The following KAZN variants were observed in gnomAD, a reference collection of about 807,000 sequenced individuals.
KAZN encodes kazrin.
In KAZN, 40 loss-of-function variants were observed where a neutral mutation model predicts 87.4. That is an observed-to-expected ratio of 0.46 (90% CI 0.36 to 0.60). The LOEUF is 0.60. Ranked by LOEUF, KAZN falls within the 20% of genes least tolerant of loss-of-function variation. The probability of loss-of-function intolerance (pLI) is 0.00; values close to 1 mark genes in which losing one functional copy is unlikely to be tolerated. For missense variants in KAZN, 898 were observed against 1,073.9 expected (o/e 0.84, Z 2.29); for synonymous variants, 466 against 458.3 (o/e 1.02, Z -0.22).
intron 1 of KAZN, among the ~76,000 whole-genome samples, chr1:14,782,426 T>C (rs149294369): frequency 0.011 from 1,667 of 151,864 alleles, 41 homozygotes; most frequent in African/African-American, 0.038. Context: ...CACGCACCTG[T>C]AATCCCAGCT....
intron 2 of KAZN, among the ~76,000 whole-genome samples, chr1:14,442,694 C>T (rs1332675470): frequency 1.3e-5 from 2 of 152,226 alleles, no homozygotes; most frequent in East Asian, 3.9e-4. Flanking sequence ...GAAAGAAGAC[C>T]TGTCCTGAAA....
At chr1:14,814,040 C>T (rs1333090204) in intron 1 of KAZN, among the ~76,000 whole-genome samples, 1 of 152,162 alleles carries the variant, frequency 6.6e-6, no homozygotes, top group African/African-American at 2.4e-5. Context: ...CCTCACCTTG[C>T]CTCTGTCAAT....
chr1:15,085,558 G>A (rs1234368437), intron 8 of KAZN, among the ~76,000 whole-genome samples: 1 of 152,054 alleles, frequency 6.6e-6, no homozygotes, highest in Non-Finnish European at 1.5e-5. Flanking sequence ...GAACTCCTAG[G>A]CTCAAGCAAG....
At chr1:14,444,876 C>T (rs1666893763) in intron 2 of KAZN, among the ~76,000 whole-genome samples, 1 of 152,168 alleles carries the variant, frequency 6.6e-6, no homozygotes, top group Non-Finnish European at 1.5e-5. Context: ...CAAATAGTTT[C>T]ATGTTATGGG....
intron 1 of KAZN, among the ~76,000 whole-genome samples, chr1:14,786,188 T>TA (rs1230671872): frequency 1.3e-5 from 2 of 152,232 alleles, no homozygotes; most frequent in Non-Finnish European, 2.9e-5. Context: ...CAACTCCATC[T>TA]AAAAACAGTC....
chr1:14,549,628 T>C (rs1673380617), intron 2 of KAZN, among the ~76,000 whole-genome samples: 1 of 150,330 alleles, frequency 6.7e-6, no homozygotes, highest in East Asian at 2.0e-4. Context: ...TTTTTTTTTT[T>C]ATTCAGGACA....
intron 2 of KAZN, among the ~76,000 whole-genome samples, chr1:14,431,585 A>G (rs935039091): frequency 3.3e-5 from 5 of 152,176 alleles, no homozygotes; most frequent in African/African-American, 9.7e-5. Flanking sequence ...ACCCACCTTC[A>G]GTGTAGGTGG....
intron 1 of KAZN, among the ~76,000 whole-genome samples, chr1:14,942,294 G>C (rs1344346217): frequency 6.6e-6 from 1 of 152,180 alleles, no homozygotes; most frequent in African/African-American, 2.4e-5. Context: ...TGTCGGGAAA[G>C]AGGAAACGTC....
chr1:13,926,435 T>A (rs1482727367), intron 1 of KAZN, among the ~76,000 whole-genome samples: 1 of 152,180 alleles, frequency 6.6e-6, no homozygotes, highest in African/African-American at 2.4e-5. Context: ...AATGAAGCAA[T>A]GAACAGTCTC....
intron 2 of KAZN, among the ~76,000 whole-genome samples, chr1:14,455,107 A>G (rs1667494257): frequency 6.6e-6 from 1 of 152,200 alleles, no homozygotes; most frequent in Non-Finnish European, 1.5e-5. Flanking sequence ...GGAAGCCAAC[A>G]TCTTTTATGC....
chr1:14,040,577 C>G (rs2101394378), intron 1 of KAZN, among the ~76,000 whole-genome samples: 1 of 152,204 alleles, frequency 6.6e-6, no homozygotes, highest in East Asian at 1.9e-4. Context: ...GCCTGACCAA[C>G]ATGGTGAAAC....
At chr1:13,954,720 C>T (rs1469910980) in intron 1 of KAZN, among the ~76,000 whole-genome samples, 2 of 152,204 alleles carry the variant, frequency 1.3e-5, no homozygotes, top group African/African-American at 2.4e-5. Flanking sequence ...TCGGCCAGCT[C>T]TTATGCACTA....
chr1:14,196,764 G>T (rs1646534298), intron 2 of KAZN, among the ~76,000 whole-genome samples: 1 of 152,052 alleles, frequency 6.6e-6, no homozygotes, highest in Non-Finnish European at 1.5e-5. Flanking sequence ...AGTTCCTCTA[G>T]GGAGTTAGTG....
chr1:15,040,391 C>A (rs771781345), intron 3 of KAZN, among the ~76,000 whole-genome samples: 3 of 152,194 alleles, frequency 2.0e-5, no homozygotes, highest in Non-Finnish European at 4.4e-5. Flanking sequence ...GCAGGAAGGA[C>A]CCCAGGCCCT....
intron 1 of KAZN, among the ~76,000 whole-genome samples, chr1:14,861,090 T>C (rs1031690743): frequency 6.6e-6 from 1 of 152,184 alleles, no homozygotes; most frequent in Non-Finnish European, 1.5e-5. Context: ...TTGAAAGTAA[T>C]AGCAAAGCCG....
intron 1 of KAZN, among the ~76,000 whole-genome samples, chr1:14,630,586 C>G (rs1446456979): frequency 6.6e-6 from 1 of 152,100 alleles, no homozygotes; most frequent in East Asian, 1.9e-4. Flanking sequence ...CACCAAAGGG[C>G]CATTGTGGGA....
chr1:14,851,717 G>T (rs79072098), intron 1 of KAZN, among the ~76,000 whole-genome samples: 158 of 152,358 alleles, frequency 1.0e-3, no homozygotes, highest in African/African-American at 3.7e-3. Context: ...GGGATGGCAA[G>T]GCCCGCCTGA....
intron 1 of KAZN, among the ~76,000 whole-genome samples, chr1:13,931,203 A>G (rs898901383): frequency 6.6e-6 from 1 of 152,236 alleles, no homozygotes; most frequent in East Asian, 1.9e-4. Flanking sequence ...AATCTAAGGA[A>G]ATGATAGTTT....
chr1:14,336,302 T>G (rs182361251), intron 2 of KAZN, among the ~76,000 whole-genome samples: 1 of 152,238 alleles, frequency 6.6e-6, no homozygotes, highest in African/African-American at 2.4e-5. Flanking sequence ...TAGTACTTCA[T>G]TCCTGTTTAT....
Sources: allele counts gnomAD v4.1 joint callset (sites outside exome capture counted in the v4.1 genomes callset), GRCh38; gene constraint gnomAD v4.1.1; transcripts MANE v1.5; gene names NCBI Gene and HGNC (gene_info 2026-07-23, HGNC 2026-07-21).